Variants in CELF2 observed in about 807,000 individuals in gnomAD.
The protein encoded by CELF2 is CUGBP Elav-like family member 2.
Under a neutral mutation model 62.6 loss-of-function variants are expected in CELF2, and 8 were observed. That is an observed-to-expected ratio of 0.13 (90% CI 0.07 to 0.23). The LOEUF is 0.23. Among genes scored for constraint, CELF2 ranks in the 10% least tolerant of loss-of-function variants. The probability of loss-of-function intolerance (pLI) is 1.00; values close to 1 mark genes in which losing one functional copy is unlikely to be tolerated. For missense variants in CELF2, 333 were observed against 671.0 expected, an observed-to-expected ratio of 0.50 and a Z score of 5.56; for synonymous variants, 258 against 250.0, an observed-to-expected ratio of 1.03 and a Z score of -0.30.
the CELF2 span, among the ~76,000 whole-genome samples, chr10:10,772,653 G>A: frequency 2.0e-5 from 3 of 152,338 alleles, no homozygotes; most frequent in South Asian, 2.1e-4. Flanking sequence ...GCCAAAAGCT[G>A]TAGGTTCACC....
Position 10,974,290 on chromosome 10 carries a change from C to T in CELF2, c.89+54291C>T, listed in dbSNP as rs1034860632. Among the ~76,000 whole-genome samples, 9 of 152,124 alleles carry T rather than the reference C, an allele frequency of 5.9e-5. No homozygotes were observed. The East Asian group carries it at 1.5e-3, about 26-fold the overall frequency. On this transcript the variant is annotated intron_variant, in intron 2 of 13. Coordinates refer to the CELF2 transcript ENST00000636488. ...TCCTTCACTAGTATTAGCAGATCAA[C>T]ATATATAAAAGATACAGTGAATTAT...
At chr10:10,985,387 G>A (rs1178619681) in intron 2 of CELF2, among the ~76,000 whole-genome samples, 1 of 151,298 alleles carries the variant, frequency 6.6e-6, no homozygotes. Context: ...TAAGTAATTT[G>A]TAATTGACAA....
rs1476046218 is a variant in CELF2 at position 11,110,466 on chromosome 10, C to A, written c.75-55020C>A. Among the ~76,000 whole-genome samples the A allele has an allele frequency of 6.6e-6, 1 of 152,168 alleles. No homozygotes were observed. The highest frequency in any genetic ancestry group is 2.4e-5 in the African/African-American group (1 of 41,432). On this transcript the variant is annotated intron_variant, in intron 1 of 12. Transcript: ENST00000633077. The surrounding 1 kb of genome is among the most constrained non-coding windows in gnomAD (Gnocchi z 4.0). ...CCATCTCCTACTACCTAAGTCGGGA[C>A]AAAGCTTCTGCTTATTTTTCTGCTT...
At chr10:11,284,544 G>GTGTGGT in intron 8 of CELF2, among the ~76,000 whole-genome samples, 1 of 148,916 alleles carries the variant, frequency 6.7e-6, no homozygotes, top group Non-Finnish European at 1.5e-5. Flanking sequence ...AGGGATGAGT[G>GTGTGGT]GGAGCATGAT....
At chr10:11,006,749 G>A (rs1398098704) in intron 1 of CELF2, among the ~76,000 whole-genome samples, 1 of 152,150 alleles carries the variant, frequency 6.6e-6, no homozygotes, top group Non-Finnish European at 1.5e-5. Flanking sequence ...TTATTATATA[G>A]CCTATTAAGT....
At chr10:10,654,903 C>A in the CELF2 span, among the ~76,000 whole-genome samples, 1 of 148,554 alleles carries the variant, frequency 6.7e-6, no homozygotes, top group Non-Finnish European at 1.5e-5. Context: ...AAAGGGTATT[C>A]AATTAGGAAA....
At chr10:11,089,649 G>A (rs1020294759) in intron 1 of CELF2, among the ~76,000 whole-genome samples, 2 of 152,138 alleles carry the variant, frequency 1.3e-5, no homozygotes, top group East Asian at 1.9e-4. Flanking sequence ...AAGGATTAAC[G>A]AGGTAGAGAG....
the CELF2 span, among the ~76,000 whole-genome samples, chr10:10,508,371 G>T: frequency 1.3e-5 from 2 of 152,166 alleles, no homozygotes; most frequent in Admixed American, 1.3e-4. Context: ...GCAGCTTCCA[G>T]AATCTGCATG....
chr10:10,941,616 C>A (rs117286321), intron 2 of CELF2, among the ~76,000 whole-genome samples: 5,136 of 152,290 alleles, frequency 0.034, 128 homozygotes, highest in Middle Eastern at 0.054. Flanking sequence ...CAAGCAGCAA[C>A]AACTCGTCTC....
intron 1 of CELF2, among the ~76,000 whole-genome samples, chr10:10,828,527 GCTGTTTAATGGGGA>G (rs2057594525): frequency 1.3e-5 from 2 of 152,246 alleles, no homozygotes; most frequent in Middle Eastern, 6.8e-3. Flanking sequence ...AGAATGGGGA[GCTGTTTAATGGGGA>G]CAGAATTTCA....
rs58567770 is a variant in CELF2 at position 11,148,843 on chromosome 10, A to AACACACACACACACACACAC, written c.75-16631_75-16612dup. On this transcript the variant is annotated intron_variant, in intron 1 of 12. Transcript: ENST00000633077. ...TGTTATCGATTATTATCTTAAACCAAACACACACACACACACACACACACA... is the reference window on the plus strand; with the variant it reads ...TGTTATCGATTATTATCTTAAACCAAACACACACACACACACACACACACACACACACACACACACACACA... Among the ~76,000 whole-genome samples, 1,131 of 146,882 alleles carry AACACACACACACACACACAC rather than the reference A, an allele frequency of 7.7e-3. 8 individuals carry two copies. The highest frequency in any genetic ancestry group is 0.022 in the South Asian group (104 of 4,644).
upstream of CELF2, among the ~76,000 whole-genome samples, chr10:11,015,536 T>C (rs778919733): frequency 1.3e-5 from 2 of 152,246 alleles, no homozygotes; most frequent in Non-Finnish European, 2.9e-5. The surrounding 1 kb of genome is among the most constrained non-coding windows in gnomAD (Gnocchi z 4.8). Flanking sequence ...CCATAAGCTC[T>C]CCTCGGTTCA....
chr10:10,826,394 G>C (rs1481080797), intron 1 of CELF2, among the ~76,000 whole-genome samples: 1 of 152,104 alleles, frequency 6.6e-6, no homozygotes, highest in African/African-American at 2.4e-5. Flanking sequence ...CTAAGGTTCT[G>C]GGATTTATCA....
At position 10,925,418 on chromosome 10, in the gene CELF2, T is replaced by C. The variant is rs904613766; in HGVS notation, c.89+5419T>C. Among the ~76,000 whole-genome samples the C allele has an allele frequency of 6.6e-5, 10 of 151,986 alleles. No individual in the cohort carries two copies. In the South Asian group the frequency reaches 2.1e-3, roughly 32 times the overall value. On this transcript the variant is annotated intron_variant, in intron 2 of 13. Coordinates refer to the CELF2 transcript ENST00000636488. ...TGCACTAAGTATATGCCAAGCATGGTTGTCAGCTTGGCATACACTTAGTGC... is the reference window on the plus strand; with the variant it reads ...TGCACTAAGTATATGCCAAGCATGGCTGTCAGCTTGGCATACACTTAGTGC...
rs1019728828 is a variant in CELF2 at position 11,246,885 on chromosome 10, A to C, written c.355-2268A>C. 3.9e-5 allele frequency among the ~76,000 whole-genome samples: 6 copies of C among 152,022 alleles called. No homozygotes were observed. The highest frequency in any genetic ancestry group is 1.5e-4 in the African/African-American group (6 of 41,370). On this transcript the variant is annotated intron_variant, in intron 3 of 12. Coordinates refer to ENST00000633077, the MANE Select transcript of CELF2 (RefSeq NM_001326342.2). The surrounding 1 kb of genome is among the most constrained non-coding windows in gnomAD (Gnocchi z 4.6). Reference sequence around the variant, plus strand: ...TGATTACAACTTCTGTCTGTACCCCACAGTCACATCAACCTTAGCATGTCC... The same window carrying C: ...TGATTACAACTTCTGTCTGTACCCCCCAGTCACATCAACCTTAGCATGTCC...
At chr10:10,856,296 TA>T (rs1229107428) in intron 1 of CELF2, among the ~76,000 whole-genome samples, 2 of 152,132 alleles carry the variant, frequency 1.3e-5, no homozygotes, top group African/African-American at 2.4e-5. Flanking sequence ...ATGTTTTATT[TA>T]AAAAAAGTTG....
At chr10:10,577,690 C>T in the CELF2 span, among the ~76,000 whole-genome samples, 1 of 152,034 alleles carries the variant, frequency 6.6e-6, no homozygotes, top group Non-Finnish European at 1.5e-5. Context: ...GACATGAACT[C>T]ATCATTTTTT....
intron 2 of CELF2, among the ~76,000 whole-genome samples, chr10:11,185,266 C>A (rs1052566859): frequency 1.3e-5 from 2 of 152,110 alleles, no homozygotes; most frequent in Non-Finnish European, 2.9e-5. Context: ...CCTCGAACTC[C>A]TGGGCTCAAG....
chr10:11,002,156 G>A (rs1028337543), upstream of CELF2, among the ~76,000 whole-genome samples: 7 of 152,164 alleles, frequency 4.6e-5, no homozygotes, highest in South Asian at 4.1e-4. This position sits in a 1 kb window ranked among gnomAD's most constrained non-coding sequence, Gnocchi z 4.4. Context: ...CAAAAGTCAC[G>A]TCTTACATGG....
Sources: allele counts gnomAD v4.1 joint callset (sites outside exome capture counted in the v4.1 genomes callset), GRCh38; gene constraint gnomAD v4.1.1; non-coding constraint Gnocchi (gnomAD v3.1); transcripts MANE v1.5; gene names NCBI Gene and HGNC (gene_info 2026-07-23, HGNC 2026-07-21).